TET1: variants seen among roughly 807,000 people sequenced by gnomAD.
The protein encoded by TET1 is tet methylcytosine dioxygenase 1.
Under a neutral mutation model 148.7 loss-of-function variants are expected in TET1, and 13 were observed. The ratio of observed to expected loss-of-function variants is 0.09; its 90% confidence interval spans 0.06 to 0.14. TET1 has a LOEUF of 0.14. TET1 is among the 10% of genes least tolerant of loss of function. The pLI, the probability that TET1 is intolerant of heterozygous loss-of-function variation, is 1.00. For synonymous variants in TET1, 907 were observed against 937.2 expected (o/e 0.97, Z 0.59); for missense variants, 2,182 against 2,553.8 (o/e 0.85, Z 3.14).
rs1343722778 is a variant in TET1, at chr10:68,572,300, T to C, written c.-39T>C. ...AGACTTTCCAAAGGACCAATGACTC[T>C]GTTTCCTGCGCCCTTTCATTTTTTC... On this transcript the variant is annotated 5_prime_UTR_variant, in exon 2 of 12. Transcript: ENST00000373644. 13 of 1,519,252 alleles carry C rather than the reference T, an allele frequency of 8.6e-6. No homozygotes were observed. Among genetic ancestry groups the C allele is most frequent in the Non-Finnish European group, 1.2e-5 (13 of 1,130,436 alleles). The allele number at this position is 1,519,252 out of a possible 1,614,324, so 94.1% of individuals were successfully genotyped here. A position where few individuals can be genotyped will look rare whatever the true frequency, so the allele number is the denominator to read the frequency against.
intron 2 of TET1, among the ~76,000 whole-genome samples, chr10:68,578,730 G>T (rs551341852): frequency 6.6e-6 from 1 of 152,050 alleles, no homozygotes; most frequent in Non-Finnish European, 1.5e-5. Context: ...GCTGAGTGAC[G>T]GATACACATG....
intron 3 of TET1, among the ~76,000 whole-genome samples, chr10:68,604,980 A>G (rs1281338385): frequency 6.6e-6 from 1 of 152,234 alleles, no homozygotes; most frequent in African/African-American, 2.4e-5. Flanking sequence ...TTTTCTAGCT[A>G]TTTAATTATA....
Position 68,601,021 on chromosome 10 carries a change from C to T in TET1, c.1955C>T (p.Pro652Leu), listed in dbSNP as rs1242174433. The T allele has an allele frequency of 3.7e-6, 6 of 1,603,312 alleles. No homozygotes were observed. Reference sequence around the variant, plus strand: ...AAGAGGCCCCAGAGGGAAAAGAAGCCCAAAGTTTTAAAGGTAATCAGCTGT... The same window carrying T: ...AAGAGGCCCCAGAGGGAAAAGAAGCTCAAAGTTTTAAAGGTAATCAGCTGT... ...ENKRPQREKKPKVLKADFDNK... is the reference protein window; with the variant it reads ...ENKRPQREKKLKVLKADFDNK... Residue 652 changes from proline to leucine, a missense_variant, in exon 3 of 12, where the codon CCC (proline) becomes CTC (leucine). This residue lies in a region of TET1 where 226 missense variants were observed against 307.4 expected (regional missense o/e 0.74). Transcript: ENST00000373644.
chr10:68,666,942 AAAT>A, intron 6 of TET1, 100 bp from the exon 7 acceptor site: 1 of 1,039,712 alleles, frequency 9.6e-7, no homozygotes, highest in South Asian at 1.7e-5. Flanking sequence ...TAAATTAAGT[AAAT>A]AAACTAAAAT....
chr10:68,624,675 TCTCTCTCTCTCTCTCTCTC>T (rs1564975170), intron 3 of TET1, among the ~76,000 whole-genome samples: 15 of 114,598 alleles, frequency 1.3e-4, no homozygotes, highest in African/African-American at 1.7e-4. Context: ...TCTCTCTCTC[TCTCTCTCTCTCTCTCTCTC>T]TCTTTCTTTC....
At position 68,667,187 on chromosome 10, in the gene TET1, C is replaced by G; in HGVS notation, c.4604C>G (p.Thr1535Arg). 1 of 1,614,104 alleles carries G rather than the reference C, an allele frequency of 6.2e-7. No individual in the cohort carries two copies. The highest frequency in any genetic ancestry group is 8.5e-7 in the Non-Finnish European group (1 of 1,180,016). The part of the protein sequence containing the change: ...IPLPMADRLY[T>R]ELTENLKSYN... ...CTTCCAATGGCCGACCGGCTATACA[C>G]AGAGCTCACAGAGAATCTAAAGTCA... The change falls in exon 7 of 12, where the codon ACA (threonine) becomes AGA (arginine). Residue 1535 changes from threonine (T) to arginine (R), a missense_variant. Thr to Arg is a moderately conservative substitution (Grantham distance 71). Coordinates refer to ENST00000373644, the MANE Select transcript of TET1 (RefSeq NM_030625.3).
chr10:68,639,460 C>T (rs199688788), intron 3 of TET1, among the ~76,000 whole-genome samples: 3,108 of 52,506 alleles, frequency 0.059, 98 homozygotes, highest in African/African-American at 0.11. Flanking sequence ...ACTACTACTA[C>T]TACTACTATT....
At chr10:68,579,829 T>C (rs911848842) in intron 2 of TET1, among the ~76,000 whole-genome samples, 1 of 152,162 alleles carries the variant, frequency 6.6e-6, no homozygotes, top group African/African-American at 2.4e-5. Context: ...ACTGCATACA[T>C]TTCCCCAGTG....
At chr10:68,595,993 C>CATATAT (rs2053982196) in intron 2 of TET1, among the ~76,000 whole-genome samples, 1 of 65,988 alleles carries the variant, frequency 1.5e-5, no homozygotes, top group African/African-American at 5.5e-5. Context: ...TACACACACA[C>CATATAT]ACACACACAC....
chr10:68,570,113 C>CT (rs1047022950), intron 1 of TET1, among the ~76,000 whole-genome samples: 11 of 148,270 alleles, frequency 7.4e-5, no homozygotes, highest in South Asian at 4.3e-4. Flanking sequence ...TTTTTTTTTT[C>CT]TTTTTTTTTG....
intron 5 of TET1, 108 bp from the exon 6 acceptor site, chr10:68,652,393 A>T (rs972596337): frequency 1.2e-5 from 8 of 645,248 alleles, no homozygotes; most frequent in African/African-American, 1.9e-5. Flanking sequence ...CTAATTTTTG[A>T]ACTTCTGTAC....
intron 2 of TET1, among the ~76,000 whole-genome samples, chr10:68,579,818 G>C (rs1324867319): frequency 2.0e-5 from 3 of 152,006 alleles, no homozygotes; most frequent in Non-Finnish European, 4.4e-5. Flanking sequence ...AGCAGTATAC[G>C]ACTGCATACA....
At chr10:68,656,401 T>A (rs937278072) in intron 6 of TET1, among the ~76,000 whole-genome samples, 3 of 152,106 alleles carry the variant, frequency 2.0e-5, no homozygotes, top group Non-Finnish European at 4.4e-5. Context: ...TAGCTGGGAC[T>A]ACAGGCGCCT....
chr10:68,684,991 A>G (rs1010404383), intron 10 of TET1, among the ~76,000 whole-genome samples: 1 of 152,126 alleles, frequency 6.6e-6, no homozygotes, highest in Non-Finnish European at 1.5e-5. Context: ...ACCATGGCTC[A>G]TGCCTGTAAT....
In TET1 at chr10:68,572,200, T is replaced by C. The variant is rs2053678147; in HGVS notation, c.-122-17T>C. ...TAGGAAAAAGACTCACTTCAGTGTATTCTGTTGTTATTTCAGACCAAAACC... is the reference window on the plus strand; with the variant it reads ...TAGGAAAAAGACTCACTTCAGTGTACTCTGTTGTTATTTCAGACCAAAACC... On this transcript the variant is annotated splice_polypyrimidine_tract_variant and intron_variant, in intron 1 of 11. Coordinates refer to ENST00000373644, the MANE Select transcript of TET1 (RefSeq NM_030625.3). 4 of 661,606 alleles carry C rather than the reference T, an allele frequency of 6.0e-6. No homozygotes were observed. The South Asian group carries it at 8.3e-5, about 14-fold the overall frequency. The allele number at this position is 661,606 out of a possible 1,614,324, so 41.0% of individuals were successfully genotyped here.
chr10:68,583,119 G>A (rs2053820333), intron 2 of TET1, among the ~76,000 whole-genome samples: 1 of 152,124 alleles, frequency 6.6e-6, no homozygotes, highest in Non-Finnish European at 1.5e-5. Flanking sequence ...CATAATCCAA[G>A]TTACACTGTG....
intron 2 of TET1, among the ~76,000 whole-genome samples, chr10:68,596,013 C>CATATATATAT (rs2053983103): frequency 1.9e-5 from 2 of 107,560 alleles, no homozygotes; most frequent in African/African-American, 7.4e-5. Flanking sequence ...CACACACACA[C>CATATATATAT]ACACACACAC....
At chr10:68,598,201 C>G (rs988873334) in intron 2 of TET1, among the ~76,000 whole-genome samples, 1 of 152,166 alleles carries the variant, frequency 6.6e-6, no homozygotes, top group African/African-American at 2.4e-5. Flanking sequence ...CCAGCCTGAC[C>G]AACATGGTGA....
intron 8 of TET1, among the ~76,000 whole-genome samples, chr10:68,679,774 A>G (rs1236738739): frequency 2.0e-5 from 3 of 152,070 alleles, no homozygotes; most frequent in Non-Finnish European, 2.9e-5. Flanking sequence ...CCCAGATTCA[A>G]TAGATTCTCC....
Sources: allele counts gnomAD v4.1 joint callset (sites outside exome capture counted in the v4.1 genomes callset), GRCh38; gene constraint gnomAD v4.1.1; regional missense constraint gnomAD v4.1.1; transcripts MANE v1.5; gene names NCBI Gene and HGNC (gene_info 2026-07-23, HGNC 2026-07-21).